The following RAD54B variants were observed in gnomAD, a reference collection of about 807,000 sequenced individuals.
The protein encoded by RAD54B is RAD54 homolog B.
In RAD54B, 78 loss-of-function variants were observed where a neutral mutation model predicts 95.8. That is an observed-to-expected ratio of 0.81 (90% CI 0.68 to 0.98). The LOEUF is 0.98. Among genes scored for constraint, RAD54B ranks in the 50% least tolerant of loss-of-function variants. The probability of loss-of-function intolerance (pLI) is 0.00; values close to 1 mark genes in which losing one functional copy is unlikely to be tolerated. For synonymous variants in RAD54B, 328 were observed against 354.9 expected (o/e 0.92, Z 0.85); for missense variants, 957 against 1,056.6 (o/e 0.91, Z 1.31).
intron 3 of RAD54B, among the ~76,000 whole-genome samples, chr8:94,449,237 T>G (rs948652448): frequency 6.7e-6 from 1 of 149,248 alleles, no homozygotes; most frequent in Non-Finnish European, 1.5e-5. Context: ...GAACCCATGT[T>G]AATTAACTAC....
chr8:94,382,148 T>A (rs1370316224), intron 11 of RAD54B, among the ~76,000 whole-genome samples: 1 of 149,658 alleles, frequency 6.7e-6, no homozygotes, highest in Non-Finnish European at 1.5e-5. Context: ...AGAAAGGATA[T>A]CTCCCAGACA....
At chr8:94,393,687 A>C in intron 9 of RAD54B, 56 bp downstream of exon 9, 1 of 1,439,758 alleles carries the variant, frequency 6.9e-7, no homozygotes, top group Non-Finnish European at 9.5e-7. Flanking sequence ...GAAGTTATGG[A>C]TGATTTCCTC....
intron 3 of RAD54B, among the ~76,000 whole-genome samples, chr8:94,421,735 C>A (rs1406706211): frequency 2.0e-5 from 3 of 152,198 alleles, no homozygotes; most frequent in Non-Finnish European, 2.9e-5. Flanking sequence ...AATTCTGCCC[C>A]CTACCAGGTT....
intron 5 of RAD54B, among the ~76,000 whole-genome samples, chr8:94,405,456 G>C (rs1419918721): frequency 1.3e-5 from 2 of 152,176 alleles, no homozygotes; most frequent in Admixed American, 1.3e-4. Flanking sequence ...ACAGGAATAA[G>C]AGTTTAGTCA....
At chr8:94,387,386 C>T in intron 10 of RAD54B, 1 of 364,048 alleles carries the variant, frequency 2.7e-6, no homozygotes, top group Non-Finnish European at 4.9e-6. Flanking sequence ...CTCATGCCTG[C>T]TACCTTCACC....
At chr8:94,451,541 T>C (rs530230659) in intron 3 of RAD54B, among the ~76,000 whole-genome samples, 5 of 152,310 alleles carry the variant, frequency 3.3e-5, no homozygotes, top group South Asian at 4.1e-4. Flanking sequence ...AATAATTTTA[T>C]GGTGAAGAAA....
At chr8:94,463,443 G>A (rs1466914017) in intron 2 of RAD54B, among the ~76,000 whole-genome samples, 1 of 152,016 alleles carries the variant, frequency 6.6e-6, no homozygotes. Flanking sequence ...TAGGGATATG[G>A]AAAAATTAAA....
chr8:94,410,882 T>C (rs1313063285), intron 4 of RAD54B, among the ~76,000 whole-genome samples: 1 of 152,112 alleles, frequency 6.6e-6, no homozygotes, highest in Non-Finnish European at 1.5e-5. Flanking sequence ...CTGGCCATTT[T>C]TGGAGAAAAT....
chr8:94,471,493 T>C (rs1427646618), intron 1 of RAD54B, among the ~76,000 whole-genome samples: 1 of 152,110 alleles, frequency 6.6e-6, no homozygotes, highest in Non-Finnish European at 1.5e-5. Flanking sequence ...AAGATTGTAG[T>C]ATGGTTACAG....
chr8:94,429,392 C>G, intron 3 of RAD54B: 3 of 832,780 alleles, frequency 3.6e-6, no homozygotes, highest in Non-Finnish European at 4.3e-6. Flanking sequence ...GTATACTGCA[C>G]TTTTTTTTAA....
intron 11 of RAD54B, among the ~76,000 whole-genome samples, chr8:94,383,091 G>A (rs111419252): frequency 5.9e-5 from 9 of 152,064 alleles, no homozygotes; most frequent in African/African-American, 1.9e-4. Flanking sequence ...GAGGTCAGGA[G>A]TTTGAGACCA....
intron 3 of RAD54B, among the ~76,000 whole-genome samples, chr8:94,435,356 T>C (rs1410349696): frequency 6.6e-6 from 1 of 152,064 alleles, no homozygotes; most frequent in Non-Finnish European, 1.5e-5. Context: ...TCAAAAATAC[T>C]TTCCTAGTAA....
intron 3 of RAD54B, among the ~76,000 whole-genome samples, chr8:94,412,085 G>T (rs1563646880): frequency 6.6e-6 from 1 of 152,050 alleles, no homozygotes; most frequent in Non-Finnish European, 1.5e-5. Flanking sequence ...CTAAGAGTTT[G>T]ACTTTTTTGA....
intron 3 of RAD54B, among the ~76,000 whole-genome samples, chr8:94,456,265 G>A (rs976398172): frequency 2.0e-5 from 3 of 152,258 alleles, no homozygotes; most frequent in Admixed American, 6.5e-5. Context: ...AAAGTGTCCC[G>A]TGAATTCAAG....
At chr8:94,415,131 A>G (rs1811628175) in intron 3 of RAD54B, among the ~76,000 whole-genome samples, 1 of 152,096 alleles carries the variant, frequency 6.6e-6, no homozygotes, top group Admixed American at 6.6e-5. Context: ...ACAAGGCTAC[A>G]GTAACCGAAA....
intron 3 of RAD54B, among the ~76,000 whole-genome samples, chr8:94,415,852 A>G (rs1191640036): frequency 6.6e-6 from 1 of 151,618 alleles, no homozygotes; most frequent in Non-Finnish European, 1.5e-5. Flanking sequence ...GGCAATCATT[A>G]AAAAGTCAGG....
rs1405234580 is a variant in RAD54B, at chr8:94,467,388, G to A, written c.135+17C>T. 2 of 1,586,170 alleles carry A rather than the reference G, an allele frequency of 1.3e-6. No homozygotes were observed. Among genetic ancestry groups the A allele is most frequent in the Non-Finnish European group, 8.6e-7 (1 of 1,162,432 alleles). ...CTTCTCTATATTATCTATATCATGA[G>A]TCTTTTTTTGCCTTACCTCAAATAA... On this transcript the variant is annotated intron_variant, in intron 2 of 14. Coordinates refer to ENST00000336148, the MANE Select transcript of RAD54B (RefSeq NM_012415.3).
intron 3 of RAD54B, among the ~76,000 whole-genome samples, chr8:94,450,309 A>G (rs1812623653): frequency 6.6e-6 from 1 of 152,196 alleles, no homozygotes; most frequent in South Asian, 2.1e-4. Flanking sequence ...TTAAACCTCA[A>G]CCATAATATC....
chr8:94,393,983 C>A (rs1210986318), intron 8 of RAD54B, 101 bp from the exon 9 acceptor site: 6 of 1,112,592 alleles, frequency 5.4e-6, no homozygotes, highest in South Asian at 1.7e-5. Flanking sequence ...GAAATTTATT[C>A]CCTAAAAGGA....
Sources: allele counts gnomAD v4.1 joint callset (sites outside exome capture counted in the v4.1 genomes callset), GRCh38; gene constraint gnomAD v4.1.1; transcripts MANE v1.5; gene names NCBI Gene and HGNC (gene_info 2026-07-23, HGNC 2026-07-21).